The following ERI3 variants were observed in gnomAD, a reference collection of about 807,000 sequenced individuals.
The protein encoded by ERI3 is ERI1 exoribonuclease family member 3.
In ERI3, 18 loss-of-function variants were observed where a neutral mutation model predicts 44.4. That is an observed-to-expected ratio of 0.41 (90% CI 0.28 to 0.60). The LOEUF is 0.60. ERI3 is among the 20% of genes least tolerant of loss of function. ERI3 has a pLI of 0.36. For missense variants in ERI3, 294 were observed against 435.5 expected (o/e 0.68, Z 2.89); for synonymous variants, 183 against 164.8 (o/e 1.11, Z -0.84).
At chr1:44,348,581 CAA>C (rs982551117) in intron 2 of ERI3, among the ~76,000 whole-genome samples, 4 of 152,312 alleles carry the variant, frequency 2.6e-5, no homozygotes, top group East Asian at 1.9e-4. Flanking sequence ...GGAATGTCCC[CAA>C]AGAGGAAAGC....
intron 7 of ERI3, among the ~76,000 whole-genome samples, chr1:44,255,709 T>G (rs1644766780): frequency 6.6e-6 from 1 of 152,180 alleles, no homozygotes; most frequent in South Asian, 2.1e-4. Context: ...TCAAACTGCT[T>G]CTTCTCCTGG....
intron 5 of ERI3, among the ~76,000 whole-genome samples, chr1:44,311,409 A>G (rs1645970226): frequency 6.6e-6 from 1 of 152,054 alleles, no homozygotes; most frequent in African/African-American, 2.4e-5. Flanking sequence ...TTATCTCCAT[A>G]ACCAACTCAG....
intron 1 of ERI3, 100 bp from the exon 2 acceptor site, chr1:44,353,025 G>C: frequency 6.4e-7 from 1 of 1,573,646 alleles, no homozygotes; most frequent in Non-Finnish European, 8.6e-7. Flanking sequence ...TCAAACTTCG[G>C]GATAACTGCT....
At chr1:44,312,119 A>G (rs552776554) in intron 5 of ERI3, among the ~76,000 whole-genome samples, 30 of 151,992 alleles carry the variant, frequency 2.0e-4, no homozygotes, top group African/African-American at 6.0e-4. Flanking sequence ...ACGAAATTCA[A>G]TCTGCATCTC....
chr1:44,242,358 C>T (rs1452462182), intron 8 of ERI3, among the ~76,000 whole-genome samples: 1 of 152,182 alleles, frequency 6.6e-6, no homozygotes, highest in African/African-American at 2.4e-5. Context: ...CATCTGAAGC[C>T]CAGAAGACTT....
At position 44,284,867 on chromosome 1, in the gene ERI3, C is replaced by A. The variant is rs773223860; in HGVS notation, c.799G>T (p.Asp267Tyr). The change falls in exon 7 of 9, where the codon GAT (aspartate) becomes TAT (tyrosine). Residue 267 changes from aspartate to tyrosine, a missense_variant. By Grantham distance (160) the Asp-to-Tyr change is radical (BLOSUM62 -3). Transcript: ENST00000372257. Reference protein sequence around the residue: ...QCQYLGLPVADYFKQWINLKK... With the variant: ...QCQYLGLPVAYYFKQWINLKK... ...AGATTAATCCACTGCTTGAAGTAAT[C>A]CGCCACTGGCAAGCCCAAGTACTGG... The A allele has an allele frequency of 1.9e-6, 3 of 1,613,948 alleles. No individual in the cohort carries two copies. Among genetic ancestry groups the A allele is most frequent in the Non-Finnish European group, 2.5e-6 (3 of 1,180,012 alleles).
In ERI3 at chr1:44,319,634, A is replaced by G. The variant is rs372948495; in HGVS notation, c.600T>C (p.Cys200=). The G allele has an allele frequency of 5.0e-6, 8 of 1,611,704 alleles. No individual in the cohort carries two copies. The African/African-American group carries it at 1.1e-4, about 22-fold the overall frequency. The change falls in exon 4 of 9, where the codon TGT becomes TGC. Residue 200 remains cysteine (C), a synonymous_variant. Coordinates refer to ENST00000372257, the MANE Select transcript of ERI3 (RefSeq NM_024066.3). The part of the protein sequence containing the change: ...PVVHPQLTPF[C]TELTGIIQAM... ...CCACTTCCAGGGCCCTTACCTCTGT[A>G]CAGAATGGGGTAAGCTGTGGATGGA...
At chr1:44,271,799 A>G (rs1257064233) in intron 7 of ERI3, among the ~76,000 whole-genome samples, 2 of 152,222 alleles carry the variant, frequency 1.3e-5, no homozygotes, top group Non-Finnish European at 2.9e-5. Flanking sequence ...GAATTGACCT[A>G]AGGTGAATGT....
chr1:44,338,424 G>A (rs914004241), intron 3 of ERI3, among the ~76,000 whole-genome samples: 3 of 152,156 alleles, frequency 2.0e-5, no homozygotes, highest in African/African-American at 7.2e-5. Context: ...CTGGCAAGTT[G>A]GGCACTGGAT....
rs984644613 is a variant in ERI3 at position 44,299,642 on chromosome 1, C to T, written c.758+8668G>A. Among the ~76,000 whole-genome samples, 12 of 152,202 alleles carry T rather than the reference C, an allele frequency of 7.9e-5. 1 individual carries two copies. Among genetic ancestry groups the T allele is most frequent in the African/African-American group, 2.9e-4 (12 of 41,442 alleles). On this transcript the variant is annotated intron_variant, in intron 6 of 8. Transcript: ENST00000372257. ...GAAAAAAGGTCTTCCAGCCTTCACT[C>T]TCTATCTGACAGAAGTCAGAAAGGC...
In ERI3 at chr1:44,232,813, C is replaced by T. The variant is rs142499434; in HGVS notation, c.932-11173G>A. Among the ~76,000 whole-genome samples, 99 of 152,238 alleles carry T rather than the reference C, an allele frequency of 6.5e-4. 2 individuals are homozygous for T. The East Asian group carries it at 0.019, about 29-fold the overall frequency. ...ACCTAGCTGTCTGGAAAACTAAAAACGTAGTCTTTTAACTAGGTACACACT... is the reference window on the plus strand; with the variant it reads ...ACCTAGCTGTCTGGAAAACTAAAAATGTAGTCTTTTAACTAGGTACACACT... On this transcript the variant is annotated intron_variant, in intron 8 of 8. Transcript: ENST00000372257.
At chr1:44,288,447 C>T (rs1168380568) in intron 6 of ERI3, among the ~76,000 whole-genome samples, 5 of 152,180 alleles carry the variant, frequency 3.3e-5, no homozygotes, top group Non-Finnish European at 4.4e-5. Flanking sequence ...AGAACTTGAG[C>T]TTGCAAGTGC....
intron 3 of ERI3, among the ~76,000 whole-genome samples, chr1:44,338,659 C>A (rs1646583599): frequency 6.6e-6 from 1 of 152,168 alleles, no homozygotes; most frequent in African/African-American, 2.4e-5. Context: ...GGGGAACTAC[C>A]AAGGGTGTGA....
chr1:44,276,535 C>G (rs573609424), intron 7 of ERI3, among the ~76,000 whole-genome samples: 2 of 152,290 alleles, frequency 1.3e-5, no homozygotes, highest in South Asian at 4.1e-4. Flanking sequence ...ATCAGCTACC[C>G]ACTTCCATGG....
At chr1:44,302,323 T>C (rs563232939) in intron 6 of ERI3, among the ~76,000 whole-genome samples, 1 of 152,258 alleles carries the variant, frequency 6.6e-6, no homozygotes, top group South Asian at 2.1e-4. Flanking sequence ...GCACTTGCAA[T>C]GACAGATAAA....
At chr1:44,230,160 G>A (rs1644144765) in intron 8 of ERI3, among the ~76,000 whole-genome samples, 1 of 151,964 alleles carries the variant, frequency 6.6e-6, no homozygotes, top group Admixed American at 6.6e-5. Flanking sequence ...TAATATCATC[G>A]GGCCTTAAAA....
chr1:44,313,134 G>GT, intron 5 of ERI3, 35 bp downstream of exon 5: 1 of 1,599,864 alleles, frequency 6.3e-7, no homozygotes, highest in Non-Finnish European at 8.6e-7. Flanking sequence ...GCAGGAAGGG[G>GT]TCAGAGGTCA....
intron 3 of ERI3, among the ~76,000 whole-genome samples, chr1:44,323,440 C>G (rs1646244520): frequency 6.6e-6 from 1 of 152,188 alleles, no homozygotes. Context: ...TCCTGGCAGA[C>G]AGGTTACATC....
At chr1:44,337,719 T>C (rs948057289) in intron 3 of ERI3, among the ~76,000 whole-genome samples, 1 of 152,204 alleles carries the variant, frequency 6.6e-6, no homozygotes, top group Non-Finnish European at 1.5e-5. Context: ...TTGTCATACC[T>C]GCTTTATGTA....
Sources: allele counts gnomAD v4.1 joint callset (sites outside exome capture counted in the v4.1 genomes callset), GRCh38; gene constraint gnomAD v4.1.1; transcripts MANE v1.5; gene names NCBI Gene and HGNC (gene_info 2026-07-23, HGNC 2026-07-21).